PTPRN2: variants seen among roughly 807,000 people sequenced by gnomAD.
The protein encoded by PTPRN2 is receptor-type tyrosine-protein phosphatase N2.
Under a neutral mutation model 118.8 loss-of-function variants are expected in PTPRN2, and 74 were observed. That is an observed-to-expected ratio of 0.62 (90% CI 0.52 to 0.76). PTPRN2 has a LOEUF of 0.76. Ranked by LOEUF, PTPRN2 falls within the 30% of genes least tolerant of loss-of-function variation. The probability of loss-of-function intolerance (pLI) is 0.00; values close to 1 mark genes in which losing one functional copy is unlikely to be tolerated. For missense variants in PTPRN2, 1,481 were observed against 1,394.4 expected (o/e 1.06, Z -0.99); for synonymous variants, 641 against 608.0 (o/e 1.05, Z -0.80).
intron 12 of PTPRN2, among the ~76,000 whole-genome samples, chr7:157,818,511 G>C (rs965199932): frequency 1.1e-4 from 16 of 146,820 alleles, no homozygotes; most frequent in African/African-American, 4.4e-4. Flanking sequence ...GGGGAGGGAC[G>C]TCTCAAGAGA....
At chr7:158,542,395 C>T (rs1184136068) in intron 1 of PTPRN2, among the ~76,000 whole-genome samples, 4 of 152,218 alleles carry the variant, frequency 2.6e-5, no homozygotes, top group East Asian at 1.9e-4. Context: ...TCAGGCAATC[C>T]GCCCACCTCG....
intron 2 of PTPRN2, among the ~76,000 whole-genome samples, chr7:158,470,214 TA>T (rs1819754661): frequency 6.6e-6 from 1 of 152,224 alleles, no homozygotes; most frequent in East Asian, 1.9e-4. Context: ...GAAAAAAACA[TA>T]AAATTTATTC....
intron 12 of PTPRN2, among the ~76,000 whole-genome samples, chr7:157,792,278 G>C (rs1322917720): frequency 6.6e-6 from 1 of 152,364 alleles, no homozygotes; most frequent in Non-Finnish European, 1.5e-5. Context: ...CGCCCGCAGC[G>C]GGGCATCTGC....
At chr7:158,225,887 G>T (rs898304734) in intron 3 of PTPRN2, among the ~76,000 whole-genome samples, 1 of 141,384 alleles carries the variant, frequency 7.1e-6, no homozygotes, top group African/African-American at 2.8e-5. Context: ...GACATGGGGA[G>T]GGAGGTGGGG....
chr7:158,010,061 G>C (rs555551716), intron 11 of PTPRN2, among the ~76,000 whole-genome samples: 3 of 152,156 alleles, frequency 2.0e-5, no homozygotes, highest in African/African-American at 7.2e-5. Flanking sequence ...GCAGGACCCC[G>C]TAGAGCACTT....
intron 3 of PTPRN2, among the ~76,000 whole-genome samples, chr7:158,218,235 C>G (rs1828094234): frequency 6.7e-6 from 1 of 148,316 alleles, no homozygotes; most frequent in Non-Finnish European, 1.5e-5. Flanking sequence ...AGGCTGATAG[C>G]AGACATGTCA....
chr7:157,562,538 T>C (rs1320509356), intron 21 of PTPRN2, among the ~76,000 whole-genome samples: 3 of 152,222 alleles, frequency 2.0e-5, no homozygotes, highest in African/African-American at 4.8e-5. Context: ...ATGTGGCTAC[T>C]GTATGGAACA....
At chr7:157,979,696 G>A (rs985126809) in intron 11 of PTPRN2, among the ~76,000 whole-genome samples, 15 of 152,140 alleles carry the variant, frequency 9.9e-5, no homozygotes, top group Non-Finnish European at 1.5e-4. Context: ...GGCTGACAAC[G>A]CCTGCTTATG....
At chr7:158,107,376 A>T (rs1425336966) in intron 10 of PTPRN2, among the ~76,000 whole-genome samples, 1 of 152,074 alleles carries the variant, frequency 6.6e-6, no homozygotes, top group Non-Finnish European at 1.5e-5. Flanking sequence ...CACTCCATAC[A>T]TTTCCAGTAC....
intron 9 of PTPRN2, among the ~76,000 whole-genome samples, chr7:158,123,452 G>A (rs1006031725): frequency 1.3e-5 from 2 of 152,096 alleles, no homozygotes; most frequent in Non-Finnish European, 2.9e-5. Context: ...TCCCCTGCAC[G>A]CCCACTCTCT....
rs962342565 is a variant in PTPRN2 at position 158,130,830 on chromosome 7, G to A, written c.1556+2847C>T. On this transcript the variant is annotated intron_variant, in intron 9 of 22. Coordinates refer to ENST00000389418, the MANE Select transcript of PTPRN2 (RefSeq NM_002847.5). Reference sequence around the variant, plus strand: ...ACCCAACACACACACATACACACACGTACATACACACACATCTACCCAACA... The same window carrying A: ...ACCCAACACACACACATACACACACATACATACACACACATCTACCCAACA... Among the ~76,000 whole-genome samples, 8 of 126,340 alleles carry A rather than the reference G, an allele frequency of 6.3e-5. No individual in the cohort carries two copies. In the East Asian group the frequency reaches 1.0e-3, roughly 16 times the overall value. 82.9% of individuals were successfully genotyped at this position (126,340 alleles called of 152,430 possible).
intron 1 of PTPRN2, among the ~76,000 whole-genome samples, chr7:158,579,643 T>A (rs1828522963): frequency 6.6e-6 from 1 of 152,244 alleles, no homozygotes; most frequent in South Asian, 2.1e-4. Context: ...AGCAGTACTG[T>A]CATTTAATTT....
intron 1 of PTPRN2, among the ~76,000 whole-genome samples, chr7:158,523,025 T>A (rs1824328485): frequency 6.6e-6 from 1 of 152,192 alleles, no homozygotes; most frequent in Non-Finnish European, 1.5e-5. Context: ...GAGCTGACAC[T>A]TAGATTTAGG....
At chr7:158,393,231 A>G (rs60687353) in intron 2 of PTPRN2, among the ~76,000 whole-genome samples, 119 of 152,368 alleles carry the variant, frequency 7.8e-4, no homozygotes, top group African/African-American at 2.8e-3. Context: ...AAAAGGCCGA[A>G]ACCTGGGTTT....
At chr7:158,356,280 A>G (rs931858468) in intron 2 of PTPRN2, among the ~76,000 whole-genome samples, 4 of 152,156 alleles carry the variant, frequency 2.6e-5, no homozygotes, top group Admixed American at 6.5e-5. Context: ...AACCTACTAC[A>G]TGCATTTTTT....
In PTPRN2 at chr7:158,252,507, C is replaced by A. The variant is rs560676167; in HGVS notation, c.278-47234G>T. Among the ~76,000 whole-genome samples the A allele has an allele frequency of 9.2e-5, 14 of 152,204 alleles. No homozygotes were observed. The South Asian group carries it at 2.3e-3, about 25-fold the overall frequency. ...GGACCTGATAGCCCGGAGCCCTATC[C>A]CTCACTACCCCCCAGCCCCAGCCCT... On this transcript the variant is annotated intron_variant, in intron 3 of 22. Coordinates refer to ENST00000389418, the MANE Select transcript of PTPRN2 (RefSeq NM_002847.5).
chr7:158,131,432 C>CACAT lies in PTPRN2; in HGVS notation c.1556+2244_1556+2245insATGT, dbSNP rs1554550007. ...AATACACATCTACCCAACACACACA[C>CACAT]GAACATACAAACTGAAACACATCTA... On this transcript the variant is annotated intron_variant, in intron 9 of 22. Coordinates refer to ENST00000389418, the MANE Select transcript of PTPRN2 (RefSeq NM_002847.5). Among the ~76,000 whole-genome samples the CACAT allele has an allele frequency of 2.8e-4, 41 of 148,018 alleles. 1 individual carries two copies. Among genetic ancestry groups the CACAT allele is most frequent in the African/African-American group, 1.0e-3 (41 of 39,400 alleles).
rs73745061 is a variant in PTPRN2, at chr7:158,010,741, A to T, written c.1723+70557T>A. ...ATATACTTTAAAAAGTCTATTTTTT[A>T]AAAAAGTATTGTTTATTTCTCTGCT... On this transcript the variant is annotated intron_variant, in intron 11 of 22. Coordinates refer to ENST00000389418, the MANE Select transcript of PTPRN2 (RefSeq NM_002847.5). Among the ~76,000 whole-genome samples, 655 of 152,356 alleles carry T rather than the reference A, an allele frequency of 4.3e-3. 2 individuals are homozygous for T. The highest frequency in any genetic ancestry group is 0.015 in the African/African-American group (620 of 41,580).
intron 2 of PTPRN2, among the ~76,000 whole-genome samples, chr7:158,345,454 G>C (rs911000128): frequency 6.6e-6 from 1 of 152,154 alleles, no homozygotes; most frequent in African/African-American, 2.4e-5. Flanking sequence ...TTTTGAGCAG[G>C]GTGGAGCAAG....
Sources: gnomAD v4.1 joint callset for allele counts (sites outside exome capture counted in the v4.1 genomes callset) on GRCh38, gnomAD v4.1.1 for gene constraint, MANE v1.5 for transcripts, NCBI Gene and HGNC (gene_info 2026-07-23, HGNC 2026-07-21) for gene names.